The following NRXN3 variants were observed in gnomAD, a reference collection of about 807,000 sequenced individuals.
NRXN3 encodes neurexin III.
In NRXN3, 32 loss-of-function variants were observed where a neutral mutation model predicts 137.6. The observed-to-expected ratio is 0.23, with a 90% CI of 0.18 to 0.31. NRXN3 has a LOEUF of 0.31. Among genes scored for constraint, NRXN3 ranks in the 10% least tolerant of loss-of-function variants. The pLI, the probability that NRXN3 is intolerant of heterozygous loss-of-function variation, is 1.00. For missense variants in NRXN3, 1,574 were observed against 2,062.5 expected (o/e 0.76, Z 4.59); for synonymous variants, 798 against 784.5 (o/e 1.02, Z -0.29).
At chr14:78,370,836 T>G (rs774586160) in intron 4 of NRXN3, among the ~76,000 whole-genome samples, 1 of 152,242 alleles carries the variant, frequency 6.6e-6, no homozygotes, top group Non-Finnish European at 1.5e-5. Flanking sequence ...CTTACAAGCC[T>G]GACAATAATG....
intron 15 of NRXN3, among the ~76,000 whole-genome samples, chr14:79,174,409 C>T (rs1187029228): frequency 6.6e-6 from 1 of 151,516 alleles, no homozygotes; most frequent in Admixed American, 6.6e-5. Flanking sequence ...GTGGTAACTC[C>T]TATTGCCGTT....
intron 15 of NRXN3, among the ~76,000 whole-genome samples, chr14:79,427,237 A>G (rs4903857): frequency 0.96 from 146,168 of 152,264 alleles, 70,186 homozygotes; most frequent in East Asian, 1. Context: ...AAAGTCTGTG[A>G]GGGTCTCTAG....
intron 1 of NRXN3, among the ~76,000 whole-genome samples, chr14:78,170,952 C>CTTTTT (rs545853025): frequency 1.6e-5 from 2 of 126,178 alleles, no homozygotes; most frequent in Admixed American, 8.0e-5. Context: ...TCTTCTTCTT[C>CTTTTT]TTTTTTTTTT....
At chr14:78,215,766 G>A (rs1340899942) in intron 1 of NRXN3, among the ~76,000 whole-genome samples, 1 of 88,434 alleles carries the variant, frequency 1.1e-5, no homozygotes, top group Non-Finnish European at 2.4e-5. Flanking sequence ...TGTGCTGCAG[G>A]GGGGTGGGGG....
At chr14:79,599,432 TA>T (rs1304812219) in intron 16 of NRXN3, among the ~76,000 whole-genome samples, 2 of 152,166 alleles carry the variant, frequency 1.3e-5, no homozygotes, top group Admixed American at 6.5e-5. Flanking sequence ...CTCTCTTAAG[TA>T]ATAGTCCTAA....
chr14:79,276,261 G>A (rs774888277), intron 15 of NRXN3, among the ~76,000 whole-genome samples: 10 of 152,134 alleles, frequency 6.6e-5, no homozygotes, highest in Non-Finnish European at 1.5e-4. Context: ...AGTCGAAATA[G>A]GAATGTGTTA....
intron 15 of NRXN3, among the ~76,000 whole-genome samples, chr14:79,038,416 C>T (rs1037622638): frequency 6.6e-6 from 1 of 151,970 alleles, no homozygotes; most frequent in African/African-American, 2.4e-5. Flanking sequence ...AAATGGATTG[C>T]TTTTTCAATT....
chr14:78,263,690 AT>A (rs1191992822), intron 2 of NRXN3, among the ~76,000 whole-genome samples: 4 of 152,134 alleles, frequency 2.6e-5, no homozygotes. Flanking sequence ...TGCCTATCAA[AT>A]TTTACCGACA....
chr14:79,018,855 C>G (rs1304490216), intron 15 of NRXN3, among the ~76,000 whole-genome samples: 2 of 152,156 alleles, frequency 1.3e-5, no homozygotes, highest in Non-Finnish European at 2.9e-5. Flanking sequence ...CTAGGTACTT[C>G]CAAGTTACTG....
At chr14:78,876,276 ACT>A (rs1056108074) in intron 10 of NRXN3, among the ~76,000 whole-genome samples, 28 of 152,260 alleles carry the variant, frequency 1.8e-4, no homozygotes, top group Admixed American at 1.4e-3. Context: ...AAAAATGGAA[ACT>A]CTGTGCCATG....
chr14:79,257,950 GA>G (rs913971672), intron 15 of NRXN3, among the ~76,000 whole-genome samples: 11 of 147,972 alleles, frequency 7.4e-5, no homozygotes, highest in South Asian at 4.4e-4. Flanking sequence ...AAATAGACTG[GA>G]AAAAAAAAAG....
chr14:79,129,543 T>C (rs1355636449), intron 15 of NRXN3, among the ~76,000 whole-genome samples: 11 of 135,148 alleles, frequency 8.1e-5, no homozygotes, highest in Admixed American at 1.5e-4. Flanking sequence ...GTCTGAGAGA[T>C]AGTTTGTTAT....
At chr14:79,145,683 A>G (rs1482324613) in intron 15 of NRXN3, among the ~76,000 whole-genome samples, 1 of 152,170 alleles carries the variant, frequency 6.6e-6, no homozygotes, top group East Asian at 1.9e-4. Flanking sequence ...ACAACTCCCA[A>G]TTAATTCCTT....
chr14:78,328,521 A>G (rs1288559273), intron 4 of NRXN3, among the ~76,000 whole-genome samples: 1 of 152,246 alleles, frequency 6.6e-6, no homozygotes, highest in African/African-American at 2.4e-5. Flanking sequence ...TCTCTGGGAA[A>G]TAAAAAAAGC....
intron 15 of NRXN3, among the ~76,000 whole-genome samples, chr14:79,152,549 A>G (rs756553475): frequency 6.6e-6 from 1 of 152,126 alleles, no homozygotes; most frequent in South Asian, 2.1e-4. Context: ...TCACAGTTCC[A>G]TGTGGCTGGG....
chr14:78,724,685 C>T (rs891486883), intron 8 of NRXN3, among the ~76,000 whole-genome samples: 7 of 152,246 alleles, frequency 4.6e-5, no homozygotes, highest in East Asian at 3.9e-4. Flanking sequence ...GTAGTCATGC[C>T]GTTATAGCAA....
chr14:79,423,019 G>A (rs1172906199), intron 15 of NRXN3, among the ~76,000 whole-genome samples: 1 of 152,086 alleles, frequency 6.6e-6, no homozygotes, highest in African/African-American at 2.4e-5. Flanking sequence ...TCTTAAAGAT[G>A]TTTCAGCTTT....
intron 8 of NRXN3, among the ~76,000 whole-genome samples, chr14:78,799,638 G>A (rs111927975): frequency 0.017 from 2,529 of 152,230 alleles, 78 homozygotes; most frequent in African/African-American, 0.057. Context: ...TCATGCTGCT[G>A]ATAAAGATGT....
chr14:78,814,507 C>T (rs1488645243), intron 10 of NRXN3, among the ~76,000 whole-genome samples: 7 of 152,066 alleles, frequency 4.6e-5, no homozygotes, highest in Admixed American at 1.3e-4. Flanking sequence ...CCCAGCTACT[C>T]GGGAGGCTGA....
Sources: gnomAD v4.1 joint callset for allele counts (sites outside exome capture counted in the v4.1 genomes callset) on GRCh38, gnomAD v4.1.1 for gene constraint, MANE v1.5 for transcripts, NCBI Gene and HGNC (gene_info 2026-07-23, HGNC 2026-07-21) for gene names.